Variants in PRDX3 observed in about 807,000 individuals in gnomAD.
PRDX3 encodes peroxiredoxin 3.
PRDX3 carries 20 observed loss-of-function variants against 30.4 expected under a neutral mutation model. The observed-to-expected ratio is 0.66, with a 90% CI of 0.46 to 0.96. PRDX3 has a LOEUF of 0.96. Among genes scored for constraint, PRDX3 ranks in the 40% least tolerant of loss-of-function variants. The pLI is 0.00. For missense variants in PRDX3, 322 were observed against 318.3 expected (o/e 1.01, Z -0.09); for synonymous variants, 124 against 117.8 (o/e 1.05, Z -0.34).
At chr10:119,174,334 G>T in intron 3 of PRDX3, 117 bp downstream of exon 3, 1 of 1,257,688 alleles carries the variant, frequency 8.0e-7, no homozygotes, top group Non-Finnish European at 1.1e-6. Flanking sequence ...CAGTGATAAA[G>T]GGTCAGAAAG....
intron 1 of PRDX3, among the ~76,000 whole-genome samples, chr10:119,177,844 G>C (rs1235523536): frequency 6.6e-6 from 1 of 151,040 alleles, no homozygotes; most frequent in Admixed American, 6.6e-5. Context: ...TCAGCCTCTG[G>C]GAGTCTGTTA....
At position 119,174,473 on chromosome 10, in the gene PRDX3, G is replaced by A. The variant is rs1460510064; in HGVS notation, c.289C>T (p.Leu97Phe). The change falls in exon 3 of 7, where the codon CTT (leucine) becomes TTT (phenylalanine). Residue 97 changes from leucine to phenylalanine, a missense_variant. Leu to Phe is a conservative substitution (Grantham distance 22, BLOSUM62 0). Coordinates refer to ENST00000298510, the MANE Select transcript of PRDX3 (RefSeq NM_006793.5). Reference sequence around the variant, plus strand: ...TACAAATCCAAAGGATAGAAGAAAAGCACCAAATATTTCCCCTTAAAGTCA... The same window carrying A: ...TACAAATCCAAAGGATAGAAGAAAAACACCAAATATTTCCCCTTAAAGTCA... ...LDDFKGKYLV[L>F]FFYPLDFTFV... 2 of 1,604,980 alleles carry A rather than the reference G, an allele frequency of 1.2e-6. No individual in the cohort carries two copies. The highest frequency in any genetic ancestry group is 2.2e-5 in the East Asian group (1 of 44,740).
intron 4 of PRDX3, among the ~76,000 whole-genome samples, chr10:119,173,379 G>A (rs1847955364): frequency 6.6e-6 from 1 of 152,186 alleles, no homozygotes. Flanking sequence ...GGAGGCCAAG[G>A]TGGGCGGATC....
rs915381553 is a variant in PRDX3, at chr10:119,174,599, A to C, written c.170-7T>G. On this transcript the variant is annotated splice_region_variant and splice_polypyrimidine_tract_variant and intron_variant, in intron 2 of 6. Coordinates refer to ENST00000298510, the MANE Select transcript of PRDX3 (RefSeq NM_006793.5). Reference sequence around the variant, plus strand: ...GGTGCATGGCATGAGGAACCTGAAAAAAAACCCACACTCATATGGAGTTCA... The same window carrying C: ...GGTGCATGGCATGAGGAACCTGAAACAAAACCCACACTCATATGGAGTTCA... The C allele has an allele frequency of 1.2e-5, 19 of 1,580,146 alleles. No individual in the cohort carries two copies. The highest frequency in any genetic ancestry group is 1.6e-5 in the Non-Finnish European group (19 of 1,169,854).
chr10:119,168,970 CA>C (rs34820945), intron 6 of PRDX3, among the ~76,000 whole-genome samples: 129,548 of 133,630 alleles, frequency 0.97, 62,804 homozygotes, highest in East Asian at 0.99. Flanking sequence ...GACTCCGTCT[CA>C]AAAAAAAAAA....
At position 119,171,328 on chromosome 10, in the gene PRDX3, C is replaced by T. The variant is rs374113593; in HGVS notation, c.551+1054G>A. 8.6e-5 allele frequency among the ~76,000 whole-genome samples: 13 copies of T among 152,030 alleles called. No individual in the cohort carries two copies. The South Asian group carries it at 1.5e-3, about 17-fold the overall frequency. ...GTGCTGGCATTACAGGCCTGAGCCA[C>T]CGCGCCCGGCCAGGTGAGCTGGCTT... On this transcript the variant is annotated intron_variant, in intron 5 of 6. Transcript: ENST00000298510.
At chr10:119,176,439 G>A (rs1445231430) in intron 2 of PRDX3, among the ~76,000 whole-genome samples, 1 of 152,004 alleles carries the variant, frequency 6.6e-6, no homozygotes, top group Non-Finnish European at 1.5e-5. Flanking sequence ...ATTAAATACG[G>A]GCTTTTTCAA....
Position 119,168,483 on chromosome 10 carries a change from C to T in PRDX3, c.768G>A (p.Gln256=). The stretch of plus-strand genomic sequence containing the variant: ...GGTGCAGATACACATGGGTGATCTA[C>T]TGATTTACCTTCTGAAAGTACTCTT... The part of the protein sequence containing the change: ...ASKEYFQKVN[Q] The change falls in exon 7 of 7, where the codon CAG becomes CAA. Residue 256 remains glutamine, a synonymous_variant. Transcript: ENST00000298510. The T allele has an allele frequency of 1.2e-6, 2 of 1,613,782 alleles. No homozygotes were observed. The highest frequency in any genetic ancestry group is 1.1e-5 in the South Asian group (1 of 91,060).
At chr10:119,169,002 A>G (rs566052536) in intron 6 of PRDX3, among the ~76,000 whole-genome samples, 175 bp downstream of exon 6, 1 of 149,370 alleles carries the variant, frequency 6.7e-6, no homozygotes, top group South Asian at 2.1e-4. Flanking sequence ...CCTGTCTCTG[A>G]TAATTGGTTC....
chr10:119,174,406 C>A, intron 3 of PRDX3, 45 bp downstream of exon 3: 2 of 1,559,762 alleles, frequency 1.3e-6, no homozygotes, highest in Admixed American at 2.0e-5. Context: ...AGGATATGTG[C>A]TTGCTCTCAG....
chr10:119,171,250 C>T lies in PRDX3; in HGVS notation c.551+1132G>A, dbSNP rs1847900855. On this transcript the variant is annotated intron_variant, in intron 5 of 6. Coordinates refer to ENST00000298510, the MANE Select transcript of PRDX3 (RefSeq NM_006793.5). ...AGAGACGGGGTTTCACCATGTTGAC[C>T]AGGATGGTCTCGATCTCTTGACCTC... is the stretch of plus-strand genomic sequence containing the variant. Among the ~76,000 whole-genome samples the T allele has an allele frequency of 2.6e-5, 4 of 152,032 alleles. No homozygotes were observed. In the South Asian group the frequency reaches 8.3e-4, roughly 32 times the overall value.
At chr10:119,173,665 G>A (rs1847962575) in intron 4 of PRDX3, 72 bp downstream of exon 4, 3 of 1,512,590 alleles carry the variant, frequency 2.0e-6, no homozygotes, top group Non-Finnish European at 2.7e-6. Flanking sequence ...TGATAGTCCA[G>A]CAGCATAGCT....
chr10:119,176,216 A>G (rs192535366), intron 2 of PRDX3, among the ~76,000 whole-genome samples: 10 of 152,316 alleles, frequency 6.6e-5, no homozygotes, highest in Admixed American at 5.9e-4. Flanking sequence ...AGTAGTTCCA[A>G]TGTCAAAATG....
chr10:119,168,677 T>C, intron 6 of PRDX3, 144 bp from the exon 7 acceptor site: 1 of 1,449,472 alleles, frequency 6.9e-7, no homozygotes, highest in Non-Finnish European at 9.0e-7. Flanking sequence ...AAAGTTTCAT[T>C]AAGGCCTGCC....
intron 2 of PRDX3, 69 bp downstream of exon 2, chr10:119,176,952 C>G: frequency 6.3e-7 from 1 of 1,587,548 alleles, no homozygotes; most frequent in Admixed American, 1.7e-5. Flanking sequence ...GGGTTCAGAG[C>G]CCCTGTCCAG....
At chr10:119,168,955 A>G (rs1239575128) in intron 6 of PRDX3, among the ~76,000 whole-genome samples, 1 of 126,476 alleles carries the variant, frequency 7.9e-6, no homozygotes, top group Non-Finnish European at 1.6e-5. Flanking sequence ...CCTGGGCGAG[A>G]GCAAGACTCC....
chr10:119,177,282 G>C, intron 1 of PRDX3, 129 bp from the exon 2 acceptor site: 1 of 866,492 alleles, frequency 1.2e-6, no homozygotes, highest in Non-Finnish European at 1.8e-6. Context: ...CAAACTCTAA[G>C]AGCATGGATT....
chr10:119,169,993 T>C (rs1847867289), intron 5 of PRDX3: 1 of 152,304 alleles, frequency 6.6e-6, no homozygotes, highest in Admixed American at 6.5e-5. Flanking sequence ...TTTTTTTGGT[T>C]GTTTGGTTTA....
intron 5 of PRDX3, chr10:119,169,982 GTTTTTTTGGTTGTTTGGTTTAAATA>G (rs1413010185): frequency 1.3e-5 from 2 of 152,264 alleles, no homozygotes; most frequent in Non-Finnish European, 2.9e-5. Context: ...TAGCCTAGAA[GTTTTTTTGGTTGTTTGGTTTAAATA>G]TAGGGTCTCA....
Sources: gnomAD v4.1 joint callset for allele counts (sites outside exome capture counted in the v4.1 genomes callset) on GRCh38, gnomAD v4.1.1 for gene constraint, MANE v1.5 for transcripts, NCBI Gene and HGNC (gene_info 2026-07-23, HGNC 2026-07-21) for gene names.